TMEM47: variants seen among roughly 807,000 people sequenced by gnomAD.
TMEM47 encodes the protein transmembrane protein 47, also known as brain cell membrane protein 1.
Under a neutral mutation model 12.4 loss-of-function variants are expected in TMEM47, and 3 were observed. The ratio of observed to expected loss-of-function variants is 0.24; its 90% CI spans 0.11 to 0.63. The LOEUF (loss-of-function observed/expected upper bound fraction) is 0.63, where lower values mean the gene tolerates loss of function less well. Ranked by LOEUF, TMEM47 falls within the 20% of genes least tolerant of loss-of-function variation. The pLI, the probability that TMEM47 is intolerant of heterozygous loss-of-function variation, is 0.86. For synonymous variants in TMEM47, 62 were observed against 63.3 expected (o/e 0.98, Z 0.10); for missense variants, 89 against 143.8 (o/e 0.62, Z 1.95).
chrX:34,644,362 A>G (rs1465454001), intron 1 of TMEM47, among the ~76,000 whole-genome samples: 1 of 112,578 alleles, frequency 8.9e-6, no homozygotes, highest in Non-Finnish European at 1.9e-5. Context: ...TCGCCACTGC[A>G]TTATGAAAAT....
At chrX:34,635,474 T>C (rs950344813) in intron 2 of TMEM47, among the ~76,000 whole-genome samples, 4 of 111,302 alleles carry the variant, frequency 3.6e-5, no homozygotes, top group African/African-American at 9.8e-5. Flanking sequence ...AGACCAGATG[T>C]TTATGTCACA....
intron 1 of TMEM47, among the ~76,000 whole-genome samples, chrX:34,648,346 T>C (rs1327905002): frequency 8.9e-6 from 1 of 111,802 alleles, no homozygotes; most frequent in Non-Finnish European, 1.9e-5. Flanking sequence ...AACAGGCATA[T>C]AGACCAATGG....
intron 1 of TMEM47, among the ~76,000 whole-genome samples, chrX:34,656,060 T>G (rs988328683): frequency 9.0e-6 from 1 of 111,269 alleles, no homozygotes; most frequent in African/African-American, 3.3e-5. Context: ...TCTTATCCAT[T>G]TGCAGCTTTC....
intron 1 of TMEM47, among the ~76,000 whole-genome samples, chrX:34,639,700 A>T (rs1294976368): frequency 9.8e-5 from 11 of 111,679 alleles, no homozygotes; most frequent in Non-Finnish European, 1.5e-4. Context: ...TATGATTTAA[A>T]TTTTTATCGA....
Position 34,657,219 on chromosome X carries a change from G to C in TMEM47, c.-190C>G. 1.6e-6 allele frequency: 1 copy of C among 612,417 alleles called. No homozygotes were observed. Among genetic ancestry groups the C allele is most frequent in the Non-Finnish European group, 2.1e-6 (1 of 465,457 alleles). 50.5% of individuals were successfully genotyped at this position (612,417 alleles called of 1,213,427 possible). A position where few individuals can be genotyped will look rare whatever the true frequency, so the allele number is the denominator to read the frequency against. On this transcript the variant is annotated 5_prime_UTR_variant, in exon 1 of 3. Coordinates refer to ENST00000275954, the MANE Select transcript of TMEM47 (RefSeq NM_031442.4). ...TGCGGAGGCGGCCGGCCGGGTGTGG[G>C]TCGTCGGCAGCCGCAGCGACGTCGA...
intron 1 of TMEM47, among the ~76,000 whole-genome samples, chrX:34,644,022 C>T (rs185989345): frequency 2.7e-5 from 3 of 109,508 alleles, no homozygotes; most frequent in Admixed American, 2.0e-4. Flanking sequence ...CAAACTGCAC[C>T]GAAAGAAGTG....
At chrX:34,640,598 A>T (rs751794539) in intron 1 of TMEM47, among the ~76,000 whole-genome samples, 2 of 111,458 alleles carry the variant, frequency 1.8e-5, no homozygotes, top group African/African-American at 6.5e-5. Flanking sequence ...AGAAAATGCA[A>T]ATGGATTTTA....
At chrX:34,633,626 T>C (rs1216349773) in intron 2 of TMEM47, among the ~76,000 whole-genome samples, 1 of 111,930 alleles carries the variant, frequency 8.9e-6, no homozygotes, top group African/African-American at 3.2e-5. Context: ...AAGTAATAAC[T>C]AATCTGAATT....
At chrX:34,649,656 T>A (rs1266487196) in intron 1 of TMEM47, among the ~76,000 whole-genome samples, 1 of 110,966 alleles carries the variant, frequency 9.0e-6, no homozygotes, top group Non-Finnish European at 1.9e-5. Flanking sequence ...CCCGGTGACA[T>A]GAGTTTACCT....
At chrX:34,644,333 A>G (rs1921871538) in intron 1 of TMEM47, among the ~76,000 whole-genome samples, 1 of 112,370 alleles carries the variant, frequency 8.9e-6, no homozygotes, top group Non-Finnish European at 1.9e-5. Context: ...GCATTGTAAC[A>G]TATGAGACTG....
At chrX:34,647,672 T>C (rs1259738650) in intron 1 of TMEM47, among the ~76,000 whole-genome samples, 1 of 111,730 alleles carries the variant, frequency 9.0e-6, no homozygotes, top group East Asian at 2.8e-4. Context: ...GAACCAATAG[T>C]TTGAAAAGAT....
intron 1 of TMEM47, among the ~76,000 whole-genome samples, chrX:34,655,214 T>A (rs1237263605): frequency 8.9e-6 from 1 of 111,891 alleles, no homozygotes; most frequent in Non-Finnish European, 1.9e-5. Context: ...GGGTCTATTA[T>A]TTCAGGAGAC....
rs138812897 is a variant in TMEM47, at chrX:34,635,421, G to A, written c.367+3826C>T. 3.5e-3 allele frequency among the ~76,000 whole-genome samples: 390 copies of A among 111,014 alleles called. 1 individual carries two copies. The highest frequency in any genetic ancestry group is 0.012 in the African/African-American group (370 of 30,527). Reference sequence around the variant, plus strand: ...ATAAAGTATATGCACTTGATTTCTCGTCTCAGGGTTTGCTTCTGAAGAAAT... The same window carrying A: ...ATAAAGTATATGCACTTGATTTCTCATCTCAGGGTTTGCTTCTGAAGAAAT... On this transcript the variant is annotated intron_variant, in intron 2 of 2. Coordinates refer to ENST00000275954, the MANE Select transcript of TMEM47 (RefSeq NM_031442.4).
At chrX:34,656,744 C>T (rs1299340146) in intron 1 of TMEM47, 60 bp downstream of exon 1, 10 of 1,133,830 alleles carry the variant, frequency 8.8e-6, no homozygotes, top group Non-Finnish European at 1.2e-5. Context: ...ACTGTCCTGG[C>T]AGTGGGGCGC....
intron 1 of TMEM47, among the ~76,000 whole-genome samples, chrX:34,654,150 AT>A (rs767502387): frequency 8.9e-6 from 1 of 112,137 alleles, no homozygotes; most frequent in South Asian, 3.7e-4. Flanking sequence ...CAAAATTAAA[AT>A]GCAAGTTTAA....
At chrX:34,642,109 G>A (rs956228718) in intron 1 of TMEM47, among the ~76,000 whole-genome samples, 11 of 112,284 alleles carry the variant, frequency 9.8e-5, no homozygotes, top group Admixed American at 3.8e-4. Flanking sequence ...CACCCGCCTC[G>A]GCCTCCCAAA....
intron 1 of TMEM47, among the ~76,000 whole-genome samples, chrX:34,645,632 T>C (rs2147140622): frequency 8.9e-6 from 1 of 111,983 alleles, no homozygotes. Context: ...GCATTAATTT[T>C]CCACCACTCT....
chrX:34,651,273 T>G (rs180697909), intron 1 of TMEM47, among the ~76,000 whole-genome samples: 120 of 112,127 alleles, frequency 1.1e-3, no homozygotes, highest in African/African-American at 3.8e-3. Context: ...TTATGACTCT[T>G]GTCCTGCGGG....
In TMEM47 at chrX:34,630,297, T is replaced by C. The variant is rs1921591086; in HGVS notation, c.*16A>G. 2 of 1,169,177 alleles carry C rather than the reference T, an allele frequency of 1.7e-6. No individual in the cohort carries two copies. The highest frequency in any genetic ancestry group is 3.0e-5 in the East Asian group (1 of 33,312). On this transcript the variant is annotated 3_prime_UTR_variant, in exon 3 of 3. Coordinates refer to ENST00000275954, the MANE Select transcript of TMEM47 (RefSeq NM_031442.4). Reference sequence around the variant, plus strand: ...GTTGGATGGTGGTGGTTGTTTTTACTTTGAGACTATTGGTTCTAGTAGTAG... The same window carrying C: ...GTTGGATGGTGGTGGTTGTTTTTACCTTGAGACTATTGGTTCTAGTAGTAG...
Sources: allele counts gnomAD v4.1 joint callset (sites outside exome capture counted in the v4.1 genomes callset), GRCh38; gene constraint gnomAD v4.1.1; transcripts MANE v1.5; gene names NCBI Gene and HGNC (gene_info 2026-07-23, HGNC 2026-07-21).